Variants in TIMM9 observed in about 807,000 individuals in gnomAD.
The protein encoded by TIMM9 is translocase of inner mitochondrial membrane 9, also known as mitochondrial import inner membrane translocase subunit Tim9.
A neutral mutation model predicts 13.4 loss-of-function variants in TIMM9; 10 were observed. That is an observed-to-expected ratio of 0.75 (90% CI 0.46 to 1.26). TIMM9 has a LOEUF of 1.26. TIMM9 is among the 50% of genes most tolerant of loss of function. The pLI is 0.00. For synonymous variants in TIMM9, 32 were observed against 32.1 expected (o/e 1.00, Z 0.01); for missense variants, 87 against 100.8 (o/e 0.86, Z 0.58).
chr14:58,412,220 G>A, intron 3 of TIMM9: 1 of 339,842 alleles, frequency 2.9e-6, no homozygotes, highest in Non-Finnish European at 5.5e-6. Flanking sequence ...TTGGCTCACT[G>A]CAACCTCTGC....
chr14:58,420,342 A>T (rs1470936917), intron 3 of TIMM9, among the ~76,000 whole-genome samples: 2 of 152,236 alleles, frequency 1.3e-5, no homozygotes, highest in Non-Finnish European at 2.9e-5. Flanking sequence ...GAAGATATAA[A>T]GAACTCTCAA....
rs1285895545 is a variant in TIMM9, at chr14:58,427,523, T to C, written c.-435A>G. ...TGTAGAGCGGTCTTGTGCGGCAATG[T>C]GCTACCTTAAAATAAATAAATAAAT... On this transcript the variant is annotated 5_prime_UTR_variant, in exon 1 of 6. Transcript: ENST00000395159. 31 of 1,470,416 alleles carry C rather than the reference T, an allele frequency of 2.1e-5. No individual in the cohort carries two copies. Among genetic ancestry groups the C allele is most frequent in the Non-Finnish European group, 2.8e-5 (30 of 1,089,196 alleles). The allele number at this position is 1,470,416 out of a possible 1,614,324, so 91.1% of individuals were successfully genotyped here.
intron 3 of TIMM9, among the ~76,000 whole-genome samples, chr14:58,418,206 G>A (rs1451434204): frequency 6.6e-6 from 1 of 152,034 alleles, no homozygotes; most frequent in East Asian, 1.9e-4. Flanking sequence ...CATATTAATA[G>A]ACTGAAGAAG....
chr14:58,411,841 A>G, intron 4 of TIMM9, 66 bp downstream of exon 4: 2 of 1,462,532 alleles, frequency 1.4e-6, no homozygotes, highest in South Asian at 1.1e-5. Context: ...CCAGCCTGAC[A>G]TGGTGGCATT....
chr14:58,411,847 G>T, intron 4 of TIMM9, 60 bp downstream of exon 4: 1 of 1,483,498 alleles, frequency 6.7e-7, no homozygotes, highest in Non-Finnish European at 9.4e-7. Context: ...TGACATGGTG[G>T]CATTAGTAGC....
At chr14:58,417,040 T>C (rs868279429) in intron 3 of TIMM9, among the ~76,000 whole-genome samples, 3 of 152,280 alleles carry the variant, frequency 2.0e-5, no homozygotes, top group African/African-American at 7.2e-5. Flanking sequence ...GTTCTCATGA[T>C]AGTGAATAAG....
chr14:58,419,698 G>A (rs530095023), intron 3 of TIMM9, among the ~76,000 whole-genome samples: 10 of 152,036 alleles, frequency 6.6e-5, no homozygotes, highest in African/African-American at 2.2e-4. Flanking sequence ...TTGAGGCCAG[G>A]AATTTGAGAC....
intron 3 of TIMM9, 88 bp downstream of exon 3, chr14:58,423,920 T>A (rs1001619918): frequency 6.6e-6 from 1 of 152,228 alleles, no homozygotes; most frequent in African/African-American, 2.4e-5. Flanking sequence ...ATTACAATGA[T>A]GCTGTTATTC....
In TIMM9 at chr14:58,408,906, CA is replaced by C; in HGVS notation, c.*127del. ...TGTTTCTCCAGCGGTTTCCATTTGCCAAACAGTCATGACAGATGGTTGAACA... is the reference window on the plus strand; with the variant it reads ...TGTTTCTCCAGCGGTTTCCATTTGCCAACAGTCATGACAGATGGTTGAACA... On this transcript the variant is annotated 3_prime_UTR_variant, in exon 6 of 6. Transcript: ENST00000395159. 7.2e-7 allele frequency: 1 copy of C among 1,386,032 alleles called. No homozygotes were observed. Among genetic ancestry groups the C allele is most frequent in the South Asian group, 1.5e-5 (1 of 67,186 alleles). 85.9% of individuals were successfully genotyped at this position (1,386,032 alleles called of 1,614,324 possible). A position where few individuals can be genotyped will look rare whatever the true frequency, so the allele number is the denominator to read the frequency against.
At chr14:58,420,074 G>A (rs1374927600) in intron 3 of TIMM9, among the ~76,000 whole-genome samples, 2 of 152,198 alleles carry the variant, frequency 1.3e-5, no homozygotes, top group East Asian at 3.8e-4. Flanking sequence ...ACAGGCGTAA[G>A]CCACCATGAT....
Position 58,427,445 on chromosome 14 carries a change from G to T in TIMM9, c.-357C>A. ...AAGCGAAGCAGTGTCAACAGTCCCT[G>T]GTAAACACAAGTAGTATTACAAGTC... is the stretch of plus-strand genomic sequence containing the variant. On this transcript the variant is annotated 5_prime_UTR_variant, in exon 1 of 6. Coordinates refer to ENST00000395159, the MANE Select transcript of TIMM9 (RefSeq NM_012460.4). The T allele has an allele frequency of 1.4e-6, 1 of 716,804 alleles. No individual in the cohort carries two copies. Among genetic ancestry groups the T allele is most frequent in the Non-Finnish European group, 2.3e-6 (1 of 440,056 alleles). The allele number at this position is 716,804 out of a possible 1,614,324, so 44.4% of individuals were successfully genotyped here. A position where few individuals can be genotyped will look rare whatever the true frequency, so the allele number is the denominator to read the frequency against.
chr14:58,410,225 C>T lies in TIMM9; in HGVS notation c.135+618G>A, dbSNP rs186146746. 2.0e-5 allele frequency among the ~76,000 whole-genome samples: 3 copies of T among 152,188 alleles called. No individual in the cohort carries two copies. The East Asian group carries it at 5.8e-4, about 29-fold the overall frequency. Reference sequence around the variant, plus strand: ...AGCTGGGACCACAGGCATGTACCAACATGTCTAGCTAATTTTTTTTTGTAT... The same window carrying T: ...AGCTGGGACCACAGGCATGTACCAATATGTCTAGCTAATTTTTTTTTGTAT... On this transcript the variant is annotated intron_variant, in intron 5 of 5. Coordinates refer to ENST00000395159, the MANE Select transcript of TIMM9 (RefSeq NM_012460.4).
chr14:58,426,178 G>T (rs1441406261), intron 2 of TIMM9, among the ~76,000 whole-genome samples: 1 of 151,864 alleles, frequency 6.6e-6, no homozygotes, highest in Non-Finnish European at 1.5e-5. Context: ...ATAATTAAAA[G>T]GGTCTTTAAC....
chr14:58,420,770 G>GT (rs2036565565), intron 3 of TIMM9, among the ~76,000 whole-genome samples: 1 of 145,058 alleles, frequency 6.9e-6, no homozygotes, highest in East Asian at 2.0e-4. Context: ...TCCAACCTGG[G>GT]TGACGAGAGC....
At chr14:58,410,972 G>T (rs1446369259) in intron 4 of TIMM9, 34 bp from the exon 5 acceptor site, 1 of 1,499,226 alleles carries the variant, frequency 6.7e-7, no homozygotes, top group Non-Finnish European at 9.1e-7. Context: ...TTAGTATTTG[G>T]TTTTTAAAAC....
chr14:58,425,709 A>T (rs2036726422), intron 2 of TIMM9, among the ~76,000 whole-genome samples: 1 of 152,212 alleles, frequency 6.6e-6, no homozygotes, highest in African/African-American at 2.4e-5. Flanking sequence ...AACTATCTCC[A>T]AGGTCTCTGG....
In TIMM9 at chr14:58,408,981, A is replaced by G; in HGVS notation, c.*53T>C. On this transcript the variant is annotated 3_prime_UTR_variant, in exon 6 of 6. Coordinates refer to ENST00000395159, the MANE Select transcript of TIMM9 (RefSeq NM_012460.4). ...TTCTATCAGATGAGTCCTCATTTCC[A>G]ATAAAGCAGCTGTTGGCAATCTTTC... 1 of 1,586,316 alleles carries G rather than the reference A, an allele frequency of 6.3e-7. No homozygotes were observed. Among genetic ancestry groups the G allele is most frequent in the Non-Finnish European group, 8.5e-7 (1 of 1,171,306 alleles).
chr14:58,414,036 A>AAAAAG (rs398025244), intron 3 of TIMM9, among the ~76,000 whole-genome samples: 10 of 144,192 alleles, frequency 6.9e-5, no homozygotes, highest in South Asian at 6.6e-4. Flanking sequence ...AAAAAAAAAA[A>AAAAAG]GGTTTGTATA....
At chr14:58,425,423 GC>G (rs1320052313) in intron 2 of TIMM9, among the ~76,000 whole-genome samples, 1 of 151,962 alleles carries the variant, frequency 6.6e-6, no homozygotes, top group East Asian at 1.9e-4. Context: ...AAATTAGCCA[GC>G]GTGGTGGCAA....
Sources: gnomAD v4.1 joint callset for allele counts (sites outside exome capture counted in the v4.1 genomes callset) on GRCh38, gnomAD v4.1.1 for gene constraint, MANE v1.5 for transcripts, NCBI Gene and HGNC (gene_info 2026-07-23, HGNC 2026-07-21) for gene names.